C13orf46: variants seen among roughly 807,000 people sequenced by gnomAD.
C13orf46 encodes the protein uncharacterized protein C13orf46.
the C13orf46 span, among the ~76,000 whole-genome samples, chr13:113,942,837 C>T: frequency 3.1e-3 from 475 of 152,342 alleles, 2 homozygotes; most frequent in African/African-American, 0.011. Flanking sequence ...CCTCTGGCGT[C>T]TCCTTGGACT....
chr13:113,971,195 C>T (rs1260345916), intron 1 of C13orf46, among the ~76,000 whole-genome samples: 1 of 152,208 alleles, frequency 6.6e-6, no homozygotes, highest in Non-Finnish European at 1.5e-5. Context: ...TCCCACAACA[C>T]CCCCTTGGCC....
intron 6 of C13orf46, among the ~76,000 whole-genome samples, chr13:113,962,490 A>T (rs1383157835): frequency 6.6e-6 from 1 of 152,244 alleles, no homozygotes; most frequent in African/African-American, 2.4e-5. Context: ...CATTCATTAC[A>T]GCCACGGCTG....
the C13orf46 span, among the ~76,000 whole-genome samples, chr13:113,945,679 AAAAC>A: frequency 0.2 from 28,120 of 138,886 alleles, 3,666 homozygotes; most frequent in Middle Eastern, 0.23. Flanking sequence ...AAAGGAAAGA[AAAAC>A]AAACCAAGTC....
At chr13:113,965,941 GTGA>G (rs1258139048) in intron 5 of C13orf46, among the ~76,000 whole-genome samples, 27 of 145,580 alleles carry the variant, frequency 1.9e-4, no homozygotes, top group South Asian at 2.2e-4. Flanking sequence ...GATTATGATG[GTGA>G]TGATGATGGT....
At chr13:113,937,968 G>C in the C13orf46 span, among the ~76,000 whole-genome samples, 1 of 152,138 alleles carries the variant, frequency 6.6e-6, no homozygotes, top group Non-Finnish European at 1.5e-5. Context: ...TGGGCAAATC[G>C]TGAGGCAGGC....
At chr13:113,969,837 G>GA (rs1278941551) in intron 2 of C13orf46, among the ~76,000 whole-genome samples, 1 of 152,168 alleles carries the variant, frequency 6.6e-6, no homozygotes, top group Non-Finnish European at 1.5e-5. Flanking sequence ...GTCCACTAGT[G>GA]AGACGACGCC....
downstream of C13orf46, among the ~76,000 whole-genome samples, chr13:113,951,913 GACCCCACTCTCGT>G (rs1322399760): frequency 1.3e-5 from 2 of 152,182 alleles, no homozygotes; most frequent in African/African-American, 4.8e-5. Flanking sequence ...AGTGCAACGC[GACCCCACTCTCGT>G]AAGACAACCT....
chr13:113,960,808 G>A (rs987386192), intron 6 of C13orf46, among the ~76,000 whole-genome samples: 16 of 152,212 alleles, frequency 1.1e-4, no homozygotes, highest in East Asian at 7.7e-4. Context: ...AGGTTCCATC[G>A]GATCTGACTT....
At chr13:113,945,612 GA>G in the C13orf46 span, among the ~76,000 whole-genome samples, 2,058 of 86,360 alleles carry the variant, frequency 0.024, 13 homozygotes, top group Admixed American at 0.025. Context: ...AAAGAAGAAA[GA>G]AAGAAAGAAA....
At chr13:113,970,643 A>C (rs28972181) in intron 1 of C13orf46, among the ~76,000 whole-genome samples, 51,360 of 152,100 alleles carry the variant, frequency 0.34, 9,551 homozygotes, top group East Asian at 0.45. Flanking sequence ...TACTACCCCC[A>C]ACCCAGGCTT....
rs2052502026 is a variant in C13orf46, at chr13:113,954,155, TG to T, written c.*2617del. 2.6e-5 allele frequency: 4 copies of T among 152,334 alleles called. No individual in the cohort carries two copies. In the South Asian group the frequency reaches 8.3e-4, roughly 32 times the overall value. The allele number at this position is 152,334 out of a possible 1,614,324, so 9.4% of individuals were successfully genotyped here. ...GCAGAGCTCACCCTCTGGGAGCCTCTGCATTATCATGTGCACCACAGGGACG... is the reference window on the plus strand; with the variant it reads ...GCAGAGCTCACCCTCTGGGAGCCTCTCATTATCATGTGCACCACAGGGACG... On this transcript the variant is annotated 3_prime_UTR_variant, in exon 7 of 7. Transcript: ENST00000636427.
chr13:113,959,314 G>A (rs1414443257), intron 6 of C13orf46, among the ~76,000 whole-genome samples: 2 of 152,174 alleles, frequency 1.3e-5, no homozygotes, highest in African/African-American at 2.4e-5. Context: ...GGATGTGTGA[G>A]GCTGATTGGG....
chr13:113,972,136 A>T (rs950735783), intron 1 of C13orf46, among the ~76,000 whole-genome samples: 5 of 151,646 alleles, frequency 3.3e-5, no homozygotes, highest in African/African-American at 1.2e-4. Flanking sequence ...CCTCCATCCG[A>T]CCCCGGCCTC....
In C13orf46 at chr13:113,954,729, C is replaced by G. The variant is rs1173924563; in HGVS notation, c.*2044G>C. The stretch of plus-strand genomic sequence containing the variant: ...TGCCCCAGGGGCCTCTGTCCCCACC[C>G]AACAAGCCACTGAGCAAGAGGCCAG... On this transcript the variant is annotated 3_prime_UTR_variant, in exon 7 of 7. Transcript: ENST00000636427. 2 of 171,988 alleles carry G rather than the reference C, an allele frequency of 1.2e-5. No homozygotes were observed. Among genetic ancestry groups the G allele is most frequent in the Admixed American group, 1.2e-4 (2 of 16,214 alleles). The allele number at this position is 171,988 out of a possible 1,614,324, so 10.7% of individuals were successfully genotyped here.
At chr13:113,930,657 G>A in the C13orf46 span, among the ~76,000 whole-genome samples, 7 of 152,194 alleles carry the variant, frequency 4.6e-5, no homozygotes, top group African/African-American at 7.2e-5. Context: ...TCATGCTTCC[G>A]GTCCAGGAGC....
At chr13:113,958,497 C>G (rs1285239647) in intron 6 of C13orf46, among the ~76,000 whole-genome samples, 4 of 152,220 alleles carry the variant, frequency 2.6e-5, no homozygotes, top group East Asian at 1.9e-4. Context: ...TTCCTGCACA[C>G]GACGTCTGCC....
chr13:113,945,732 G>C, the C13orf46 span, among the ~76,000 whole-genome samples: 1 of 152,156 alleles, frequency 6.6e-6, no homozygotes, highest in Non-Finnish European at 1.5e-5. Context: ...CCTTAATACT[G>C]TGCTCTAGTA....
downstream of C13orf46, among the ~76,000 whole-genome samples, chr13:113,953,034 C>T (rs976863415): frequency 2.0e-5 from 3 of 152,236 alleles, no homozygotes; most frequent in African/African-American, 4.8e-5. Flanking sequence ...TCCACTAAGA[C>T]GGGGCTTGGC....
downstream of C13orf46, among the ~76,000 whole-genome samples, chr13:113,952,430 G>A: frequency 6.6e-6 from 1 of 152,334 alleles, no homozygotes; most frequent in Non-Finnish European, 1.5e-5. Context: ...CGCCTGCTCA[G>A]GGCTGGGTTC....
Sources: allele counts gnomAD v4.1 joint callset (sites outside exome capture counted in the v4.1 genomes callset), GRCh38; gene constraint gnomAD v4.1.1; transcripts MANE v1.5; gene names NCBI Gene and HGNC (gene_info 2026-07-23, HGNC 2026-07-21).